PXK: variants seen among roughly 807,000 people sequenced by gnomAD.
PXK encodes PX domain containing serine/threonine kinase like, also known as PX domain-containing protein kinase-like protein.
A neutral mutation model predicts 84.7 loss-of-function variants in PXK; 35 were observed. The ratio of observed to expected loss-of-function variants is 0.41; its 90% CI spans 0.32 to 0.55. PXK has a LOEUF of 0.55. Among genes scored for constraint, PXK ranks in the 20% least tolerant of loss-of-function variants. The pLI, the probability that PXK is intolerant of heterozygous loss-of-function variation, is 0.21. For synonymous variants in PXK, 253 were observed against 260.8 expected, an observed-to-expected ratio of 0.97 and a Z score of 0.29; for missense variants, 634 against 699.7, an observed-to-expected ratio of 0.91 and a Z score of 1.06.
At position 58,416,958 on chromosome 3, in the gene PXK, G is replaced by A. The variant is rs892612004; in HGVS notation, c.1528+3995G>A. On this transcript the variant is annotated intron_variant, in intron 17 of 17. Coordinates refer to ENST00000356151, the MANE Select transcript of PXK (RefSeq NM_017771.5). The surrounding 1 kb of genome is among the most constrained non-coding windows in gnomAD (Gnocchi z 4.8). ...CTTTTGGCTGGCCAGCCCATGCTTA[G>A]GCTGTTCTTCCTTGCAGAACTGGAG... 6.6e-6 allele frequency among the ~76,000 whole-genome samples: 1 copy of A among 152,166 alleles called. No homozygotes were observed. The highest frequency in any genetic ancestry group is 1.5e-5 in the Non-Finnish European group (1 of 68,030).
intron 1 of PXK, among the ~76,000 whole-genome samples, chr3:58,347,334 T>C (rs2107910517): frequency 6.6e-6 from 1 of 152,316 alleles, no homozygotes; most frequent in South Asian, 2.1e-4. Flanking sequence ...CAAATATATA[T>C]ATACACACCC....
chr3:58,423,593 C>T (rs547627486), intron 17 of PXK: 3 of 1,519,930 alleles, frequency 2.0e-6, no homozygotes, highest in Non-Finnish European at 1.8e-6. Context: ...CTGAGCCAGT[C>T]GTCCATACAA....
chr3:58,358,394 G>A (rs1171093433), intron 1 of PXK, among the ~76,000 whole-genome samples: 1 of 152,176 alleles, frequency 6.6e-6, no homozygotes, highest in African/African-American at 2.4e-5. Context: ...GGGTATGGGT[G>A]GTGCCTTGGG....
chr3:58,422,859 G>A, intron 17 of PXK: 7 of 985,430 alleles, frequency 7.1e-6, no homozygotes, highest in Non-Finnish European at 8.4e-6. Flanking sequence ...CCGCAGCCGA[G>A]AGCCTGTCCT....
Position 58,425,072 on chromosome 3 carries a change from C to G in PXK, c.*112C>G. The stretch of plus-strand genomic sequence containing the variant: ...ATTGCTGAGCCAGTACAGCCACAAA[C>G]AGTACTATTTTGCAGATGCTCATGT... On this transcript the variant is annotated 3_prime_UTR_variant, in exon 18 of 18. Transcript: ENST00000356151. The G allele has an allele frequency of 1.4e-6, 2 of 1,446,344 alleles. No homozygotes were observed. The highest frequency in any genetic ancestry group is 1.9e-6 in the Non-Finnish European group (2 of 1,079,078). The allele number at this position is 1,446,344 out of a possible 1,614,324, so 89.6% of individuals were successfully genotyped here. A position where few individuals can be genotyped will look rare whatever the true frequency, so the allele number is the denominator to read the frequency against.
chr3:58,369,755 C>T (rs570985590), intron 3 of PXK, among the ~76,000 whole-genome samples: 2 of 143,366 alleles, frequency 1.4e-5, no homozygotes, highest in Admixed American at 7.3e-5. Flanking sequence ...ACCTGGGAAG[C>T]GGAGGTTGTG....
intron 1 of PXK, among the ~76,000 whole-genome samples, chr3:58,354,801 T>G (rs1402113100): frequency 2.0e-5 from 3 of 151,990 alleles, no homozygotes; most frequent in Non-Finnish European, 4.4e-5. Context: ...TGCACATTAG[T>G]ATCAACTGAG....
chr3:58,343,286 G>T (rs1372870628), intron 1 of PXK, among the ~76,000 whole-genome samples: 2 of 152,248 alleles, frequency 1.3e-5, no homozygotes, highest in African/African-American at 4.8e-5. Context: ...AATGAAGCCA[G>T]AAAGAAATGG....
chr3:58,402,838 A>G (rs2058800689), intron 12 of PXK, among the ~76,000 whole-genome samples: 3 of 150,466 alleles, frequency 2.0e-5, no homozygotes, highest in Admixed American at 6.7e-5. Context: ...GTGTGGGGGT[A>G]CATGCGAAAG....
chr3:58,355,338 G>A (rs975828380), intron 1 of PXK, among the ~76,000 whole-genome samples: 3 of 152,136 alleles, frequency 2.0e-5, no homozygotes, highest in African/African-American at 7.2e-5. Flanking sequence ...CTGAACAGCT[G>A]CTGGTGTCTT....
intron 1 of PXK, among the ~76,000 whole-genome samples, chr3:58,346,726 T>TGCAA (rs2097827289): frequency 6.6e-6 from 1 of 151,822 alleles, no homozygotes. Context: ...AGCGTGATCT[T>TGCAA]GGCTCACTGT....
chr3:58,419,985 C>A (rs1223118669), intron 17 of PXK, among the ~76,000 whole-genome samples: 1 of 152,252 alleles, frequency 6.6e-6, no homozygotes, highest in African/African-American at 2.4e-5. Flanking sequence ...AGTGCTTCCG[C>A]CTTGAGGATG....
chr3:58,408,873 G>A (rs764321464), intron 13 of PXK, 51 bp from the exon 14 acceptor site: 1 of 1,370,608 alleles, frequency 7.3e-7, no homozygotes, highest in Non-Finnish European at 1.0e-6. Context: ...GGACTTGGAA[G>A]TATCTCCAGC....
intron 1 of PXK, 60 bp from the exon 2 acceptor site, chr3:58,365,814 C>T: frequency 7.5e-7 from 1 of 1,330,686 alleles, no homozygotes; most frequent in South Asian, 1.5e-5. Context: ...TTTTGATTCC[C>T]TGCTTTGGGA....
intron 1 of PXK, among the ~76,000 whole-genome samples, chr3:58,353,180 G>T (rs1327403564): frequency 3.3e-5 from 5 of 151,982 alleles, no homozygotes; most frequent in Non-Finnish European, 5.9e-5. Flanking sequence ...GTATTTTTTA[G>T]TAGAGACAGG....
chr3:58,423,357 G>C (rs1465169208), intron 17 of PXK: 3 of 1,476,912 alleles, frequency 2.0e-6, no homozygotes, highest in African/African-American at 1.4e-5. Context: ...CAATGAACAT[G>C]TTGGTCATTT....
intron 1 of PXK, among the ~76,000 whole-genome samples, chr3:58,341,789 C>T (rs1001488834): frequency 4.6e-5 from 7 of 151,714 alleles, no homozygotes; most frequent in African/African-American, 7.3e-5. Flanking sequence ...CTGCAACCTC[C>T]GCCTCCTGGG....
rs2061916239 is a variant in PXK, at chr3:58,421,815, G to C, written c.1529-2937G>C. 5.1e-6 allele frequency: 5 copies of C among 985,474 alleles called. No homozygotes were observed. Among genetic ancestry groups the C allele is most frequent in the Non-Finnish European group, 6.0e-6 (5 of 829,946 alleles). The allele number at this position is 985,474 out of a possible 1,614,324, so 61.0% of individuals were successfully genotyped here. A position where few individuals can be genotyped will look rare whatever the true frequency, so the allele number is the denominator to read the frequency against. On this transcript the variant is annotated intron_variant, in intron 17 of 17. Transcript: ENST00000356151. The surrounding 1 kb of genome is among the most constrained non-coding windows in gnomAD (Gnocchi z 5.5). ...AGGGATTTTGTCTAAGAGAAAGTGA[G>C]ATGGGAGAAATCGGGACTGACCTGG...
rs115384831 is a variant in PXK at position 58,390,443 on chromosome 3, T to C, written c.389-139T>C. The stretch of plus-strand genomic sequence containing the variant: ...TTAGTTTGTGTGTATTTTCTTTCTT[T>C]ATTATTATTTTTTTTTTGGTAATTA... On this transcript the variant is annotated intron_variant, in intron 4 of 17. Transcript: ENST00000356151. This position sits in a 1 kb window ranked among gnomAD's most constrained non-coding sequence, Gnocchi z 4.2. 318 of 483,202 alleles carry C rather than the reference T, an allele frequency of 6.6e-4. 2 individuals carry two copies. Among genetic ancestry groups the C allele is most frequent in the African/African-American group, 4.9e-3 (247 of 50,754 alleles). The allele number at this position is 483,202 out of a possible 1,614,324, so 29.9% of individuals were successfully genotyped here. A position where few individuals can be genotyped will look rare whatever the true frequency, so the allele number is the denominator to read the frequency against.
Sources: gnomAD v4.1 joint callset for allele counts (sites outside exome capture counted in the v4.1 genomes callset) on GRCh38, gnomAD v4.1.1 for gene constraint, Gnocchi (gnomAD v3.1) non-coding constraint, MANE v1.5 for transcripts, NCBI Gene and HGNC (gene_info 2026-07-23, HGNC 2026-07-21) for gene names.